The following AIG1 variants were observed in gnomAD, a reference collection of about 807,000 sequenced individuals.
AIG1 encodes androgen induced 1, also known as androgen-induced gene 1 protein.
In AIG1, 23 loss-of-function variants were observed where a neutral mutation model predicts 31.4. The observed-to-expected ratio is 0.73, with a 90% confidence interval of 0.53 to 1.04. The LOEUF is 1.04. Ranked by LOEUF, AIG1 falls within the 50% of genes least tolerant of loss-of-function variation. The pLI, the probability that AIG1 is intolerant of heterozygous loss-of-function variation, is 0.00. For missense variants in AIG1, 274 were observed against 295.0 expected, an observed-to-expected ratio of 0.93 and a Z score of 0.52; for synonymous variants, 100 against 110.5, an observed-to-expected ratio of 0.90 and a Z score of 0.60.
chr6:143,198,059 T>A (rs1790398708), intron 3 of AIG1, among the ~76,000 whole-genome samples: 1 of 152,322 alleles, frequency 6.6e-6, no homozygotes, highest in African/African-American at 2.4e-5. Flanking sequence ...AGTGGATATT[T>A]TGAAAATTAT....
intron 3 of AIG1, among the ~76,000 whole-genome samples, chr6:143,222,155 G>T (rs570886546): frequency 9.9e-5 from 15 of 152,208 alleles, no homozygotes; most frequent in Admixed American, 9.2e-4. Flanking sequence ...CCATAATGAG[G>T]ATTATGTTTC....
chr6:143,106,418 G>A (rs1052350519), intron 1 of AIG1, among the ~76,000 whole-genome samples: 14 of 152,182 alleles, frequency 9.2e-5, no homozygotes, highest in East Asian at 1.9e-4. Flanking sequence ...TTGTTATGGC[G>A]GCCCTAGCAG....
intron 1 of AIG1, among the ~76,000 whole-genome samples, chr6:143,131,578 T>C (rs2128514107): frequency 6.6e-6 from 1 of 152,282 alleles, no homozygotes; most frequent in East Asian, 1.9e-4. Flanking sequence ...GCTTTGAAGA[T>C]GGAAGGGACC....
At chr6:143,276,133 G>A (rs1212144693) in intron 3 of AIG1, among the ~76,000 whole-genome samples, 1 of 152,210 alleles carries the variant, frequency 6.6e-6, no homozygotes, top group Non-Finnish European at 1.5e-5. Context: ...AAATGCAAAA[G>A]TAATAGCCCA....
Position 143,247,377 on chromosome 6 carries a change from G to T in AIG1, c.400-36733G>T, listed in dbSNP as rs549455937. Among the ~76,000 whole-genome samples the T allele has an allele frequency of 8.7e-4, 133 of 152,252 alleles. 1 individual carries two copies. Among genetic ancestry groups the T allele is most frequent in the African/African-American group, 3.2e-3 (132 of 41,556 alleles). ...GATCTCCTAACCTCATAATCCACCC[G>T]CCTCAGCCTCCCAAAGTGTATCCAA... On this transcript the variant is annotated intron_variant, in intron 3 of 5. Coordinates refer to ENST00000357847, the MANE Select transcript of AIG1 (RefSeq NM_016108.4).
At chr6:143,072,684 G>A (rs537659145) in intron 1 of AIG1, among the ~76,000 whole-genome samples, 14 of 151,620 alleles carry the variant, frequency 9.2e-5, no homozygotes, top group Non-Finnish European at 1.9e-4. Flanking sequence ...GTTGAATTTC[G>A]TCTTATGCTT....
intron 3 of AIG1, among the ~76,000 whole-genome samples, chr6:143,179,620 G>A (rs553808594): frequency 6.6e-6 from 1 of 152,278 alleles, no homozygotes; most frequent in East Asian, 1.9e-4. Flanking sequence ...ATCATGAAAG[G>A]AGAATGTCAT....
intron 1 of AIG1, among the ~76,000 whole-genome samples, chr6:143,072,530 G>A (rs1024870767): frequency 6.6e-6 from 1 of 151,968 alleles, no homozygotes; most frequent in Non-Finnish European, 1.5e-5. Context: ...CCTATCTTAG[G>A]AGGAAAACAT....
intron 1 of AIG1, among the ~76,000 whole-genome samples, chr6:143,111,300 A>G (rs933550218): frequency 3.9e-5 from 6 of 152,186 alleles, no homozygotes; most frequent in Non-Finnish European, 8.8e-5. Context: ...TAAGACCCAA[A>G]GACCTCATAA....
chr6:143,080,063 A>G (rs1778082116), intron 1 of AIG1, among the ~76,000 whole-genome samples: 1 of 151,352 alleles, frequency 6.6e-6, no homozygotes. Flanking sequence ...AGGTGTGGTC[A>G]CCTTTCCCAG....
chr6:143,232,006 G>A (rs73594104), intron 3 of AIG1, among the ~76,000 whole-genome samples: 3,783 of 152,206 alleles, frequency 0.025, 150 homozygotes, highest in African/African-American at 0.083. Flanking sequence ...ACCAAGTCAG[G>A]GGATCTCTCC....
chr6:143,198,600 C>G (rs571446054), intron 3 of AIG1, among the ~76,000 whole-genome samples: 1 of 152,176 alleles, frequency 6.6e-6, no homozygotes, highest in Non-Finnish European at 1.5e-5. Flanking sequence ...CCAGTTCTTC[C>G]TCATGAGGTC....
At chr6:143,198,923 C>G (rs1348166256) in intron 3 of AIG1, among the ~76,000 whole-genome samples, 2 of 152,164 alleles carry the variant, frequency 1.3e-5, no homozygotes, top group Non-Finnish European at 2.9e-5. Flanking sequence ...GGACAAATAG[C>G]AGCCTTTGCC....
At chr6:143,139,084 TTGCACC>T (rs1784028741) in intron 2 of AIG1, among the ~76,000 whole-genome samples, 1 of 152,148 alleles carries the variant, frequency 6.6e-6, no homozygotes, top group Admixed American at 6.5e-5. Flanking sequence ...GGGGAAACTT[TTGCACC>T]TGCCTGAAGC....
At chr6:143,308,367 C>A (rs1774966527) in intron 4 of AIG1, among the ~76,000 whole-genome samples, 1 of 152,190 alleles carries the variant, frequency 6.6e-6, no homozygotes, top group South Asian at 2.1e-4. Context: ...CACAAGAATT[C>A]TACTTTTTAA....
In AIG1 at chr6:143,190,660, G is replaced by A. The variant is rs1001590597; in HGVS notation, c.399+25477G>A. ...CAGGGGCCTTCTTTCCAAAGCCCCA[G>A]GTAAGGACTTTCTCAACCTGTATTC... On this transcript the variant is annotated intron_variant, in intron 3 of 5. Transcript: ENST00000357847. The A allele has an allele frequency of 3.1e-6, 3 of 962,864 alleles. No homozygotes were observed. In the African/African-American group the frequency reaches 5.3e-5, roughly 17 times the overall value. The allele number at this position is 962,864 out of a possible 1,614,324, so 59.6% of individuals were successfully genotyped here.
In AIG1 at chr6:143,292,147, C is replaced by T. The variant is rs554351286; in HGVS notation, c.515+7922C>T. Among the ~76,000 whole-genome samples, 113 of 152,296 alleles carry T rather than the reference C, an allele frequency of 7.4e-4. No homozygotes were observed. In the South Asian group the frequency reaches 0.015, roughly 20 times the overall value. On this transcript the variant is annotated intron_variant, in intron 4 of 5. Transcript: ENST00000357847. This position sits in a 1 kb window ranked among gnomAD's most constrained non-coding sequence, Gnocchi z 4.9. The stretch of plus-strand genomic sequence containing the variant: ...ACTCAGCCCCTTTAATAATGTTTAA[C>T]CTTGGTATGGAAGGCAAAATAATGC...
At chr6:143,059,437 CT>C (rs1006238794), upstream of AIG1, among the ~76,000 whole-genome samples, 1 of 151,948 alleles carries the variant, frequency 6.6e-6, no homozygotes, top group Non-Finnish European at 1.5e-5. Context: ...TAGATCTACT[CT>C]TTTTTATTTT....
At chr6:143,074,382 T>C (rs575781581) in intron 1 of AIG1, among the ~76,000 whole-genome samples, 1 of 152,358 alleles carries the variant, frequency 6.6e-6, no homozygotes, top group South Asian at 2.1e-4. Flanking sequence ...TTTCTGGCCT[T>C]ACATTGATGT....
Sources: gnomAD v4.1 joint callset for allele counts (sites outside exome capture counted in the v4.1 genomes callset) on GRCh38, gnomAD v4.1.1 for gene constraint, Gnocchi (gnomAD v3.1) non-coding constraint, MANE v1.5 for transcripts, NCBI Gene and HGNC (gene_info 2026-07-23, HGNC 2026-07-21) for gene names.